The following DSG1 variants were observed in gnomAD, a reference collection of about 807,000 sequenced individuals.
DSG1 encodes the protein desmoglein 1.
A neutral mutation model predicts 97.5 loss-of-function variants in DSG1; 39 were observed. That is an observed-to-expected ratio of 0.40 (90% CI 0.31 to 0.52). The LOEUF (loss-of-function observed/expected upper bound fraction) is 0.52, where lower values mean the gene tolerates loss of function less well. DSG1 is among the 20% of genes least tolerant of loss of function. The pLI is 0.53. For synonymous variants in DSG1, 475 were observed against 443.4 expected (o/e 1.07, Z -0.90); for missense variants, 1,311 against 1,295.4 (o/e 1.01, Z -0.18).
chr18:31,322,091 G>A (rs2071657392), intron 1 of DSG1, among the ~76,000 whole-genome samples: 1 of 152,210 alleles, frequency 6.6e-6, no homozygotes, highest in African/African-American at 2.4e-5. Flanking sequence ...ATTGGTCTAT[G>A]AGAATAGGCC....
intron 9 of DSG1, 132 bp from the exon 10 acceptor site, chr18:31,338,183 A>AT (rs2071766728): frequency 1.0e-6 from 1 of 978,116 alleles, no homozygotes; most frequent in African/African-American, 1.7e-5. Context: ...CTGAAAAAAA[A>AT]TAAAGTCTCT....
intron 14 of DSG1, among the ~76,000 whole-genome samples, chr18:31,346,434 G>A (rs1178264098): frequency 6.6e-6 from 1 of 152,110 alleles, no homozygotes; most frequent in Non-Finnish European, 1.5e-5. Context: ...TTTGTTCATG[G>A]CATGCAATCC....
chr18:31,321,242 C>A lies in DSG1; in HGVS notation c.48+2894C>A, dbSNP rs1414423160. Among the ~76,000 whole-genome samples, 7 of 152,032 alleles carry A rather than the reference C, an allele frequency of 4.6e-5. No individual in the cohort carries two copies. The East Asian group carries it at 1.4e-3, about 29-fold the overall frequency. On this transcript the variant is annotated intron_variant, in intron 1 of 14. Transcript: ENST00000257192. The stretch of plus-strand genomic sequence containing the variant: ...AGGCTAAAATACACAGAAAATAATA[C>A]ACATTTCATTACATAGTTCCTAAAC...
intron 9 of DSG1, 34 bp downstream of exon 9, chr18:31,336,647 A>G: frequency 1.2e-6 from 2 of 1,609,980 alleles, no homozygotes; most frequent in Non-Finnish European, 1.7e-6. Flanking sequence ...TTTTCCTTAC[A>G]TATTGAACTT....
At chr18:31,340,235 C>T (rs756218758) in intron 11 of DSG1, among the ~76,000 whole-genome samples, 3 of 151,818 alleles carry the variant, frequency 2.0e-5, no homozygotes, top group Non-Finnish European at 4.4e-5. Context: ...AATTTATTTG[C>T]AGTAAGTCTC....
chr18:31,353,617 G>T (rs2071922090), intron 14 of DSG1, among the ~76,000 whole-genome samples: 1 of 152,170 alleles, frequency 6.6e-6, no homozygotes, highest in African/African-American at 2.4e-5. Context: ...CTAGCAATCA[G>T]CGAGACTCCG....
intron 11 of DSG1, among the ~76,000 whole-genome samples, chr18:31,340,464 C>T (rs1334577998): frequency 1.3e-5 from 2 of 150,908 alleles, no homozygotes; most frequent in African/African-American, 2.4e-5. Context: ...AAAAATGATC[C>T]GGGCATGGTG....
At chr18:31,321,511 G>A (rs1469386263) in intron 1 of DSG1, among the ~76,000 whole-genome samples, 1 of 152,130 alleles carries the variant, frequency 6.6e-6, no homozygotes, top group Non-Finnish European at 1.5e-5. Flanking sequence ...GCATTCAAGT[G>A]TCATCATTAA....
At chr18:31,342,447 C>T (rs543392818) in intron 11 of DSG1, among the ~76,000 whole-genome samples, 1 of 151,950 alleles carries the variant, frequency 6.6e-6, no homozygotes, top group African/African-American at 2.4e-5. Context: ...TCCTTCTTCC[C>T]TAATTTACTT....
intron 6 of DSG1, among the ~76,000 whole-genome samples, 200 bp from the exon 7 acceptor site, chr18:31,333,389 G>T (rs1271124346): frequency 6.6e-6 from 1 of 152,076 alleles, no homozygotes; most frequent in East Asian, 1.9e-4. Context: ...TTTAAAACGT[G>T]TTGCATCTTT....
intron 9 of DSG1, among the ~76,000 whole-genome samples, 148 bp from the exon 10 acceptor site, chr18:31,338,154 CCATATTGCTAAGA>C: frequency 6.6e-6 from 1 of 151,656 alleles, no homozygotes; most frequent in African/African-American, 2.4e-5. Context: ...CTGAGTGGCT[CCATATTGCTAAGA>C]CTGCCCTGAA....
At position 31,355,292 on chromosome 18, in the gene DSG1, T is replaced by G. The variant is rs1434125063; in HGVS notation, c.3096T>G (p.Pro1032=). 2 of 1,614,104 alleles carry G rather than the reference T, an allele frequency of 1.2e-6. No homozygotes were observed. Among genetic ancestry groups the G allele is most frequent in the Non-Finnish European group, 1.7e-6 (2 of 1,179,990 alleles). ...ACCAAACCATTGGGTCCGCCTCCCC[T>G]AGCACAGCTCGAAGTCGAATCACAA... is the stretch of plus-strand genomic sequence containing the variant. The part of the protein sequence containing the change: ...HFNQTIGSAS[P]STARSRITKY... The change falls in exon 15 of 15, where the codon CCT becomes CCG. Residue 1032 remains proline (P), a synonymous_variant. Transcript: ENST00000257192.
At chr18:31,342,003 G>A (rs1297813927) in intron 11 of DSG1, among the ~76,000 whole-genome samples, 3 of 151,300 alleles carry the variant, frequency 2.0e-5, no homozygotes, top group African/African-American at 7.3e-5. Flanking sequence ...GTGCAATCTC[G>A]TCTCACTGTA....
intron 14 of DSG1, among the ~76,000 whole-genome samples, chr18:31,353,652 G>A (rs557464802): frequency 3.2e-4 from 48 of 152,180 alleles, no homozygotes; most frequent in Non-Finnish European, 6.3e-4. Flanking sequence ...TCCGAGCCAG[G>A]TGCAGGATAT....
At chr18:31,340,343 A>G (rs1355898829) in intron 11 of DSG1, among the ~76,000 whole-genome samples, 1 of 151,808 alleles carries the variant, frequency 6.6e-6, no homozygotes, top group African/African-American at 2.4e-5. Context: ...GTGGTGGCTC[A>G]TGCCTGTAAT....
intron 14 of DSG1, chr18:31,353,944 G>A (rs558267747): frequency 3.1e-4 from 90 of 289,206 alleles, no homozygotes; most frequent in African/African-American, 1.8e-3. Flanking sequence ...CGTCGCTCAC[G>A]CTGGGAGCTG....
At chr18:31,318,467 T>G (rs2071633830) in intron 1 of DSG1, 119 bp downstream of exon 1, 1 of 832,382 alleles carries the variant, frequency 1.2e-6, no homozygotes, top group Non-Finnish European at 2.1e-6. Flanking sequence ...TGTATATTAA[T>G]GACAAGATGA....
intron 8 of DSG1, among the ~76,000 whole-genome samples, chr18:31,334,832 G>A (rs1489099261): frequency 2.6e-5 from 4 of 151,974 alleles, no homozygotes; most frequent in African/African-American, 4.8e-5. Context: ...ACATTTACCT[G>A]CAGTAAAATT....
rs560158898 is a variant in DSG1 at position 31,347,350 on chromosome 18, C to T, written c.2100+1152C>T. Among the ~76,000 whole-genome samples the T allele has an allele frequency of 3.3e-5, 5 of 152,176 alleles. No individual in the cohort carries two copies. The East Asian group carries it at 7.7e-4, about 23-fold the overall frequency. On this transcript the variant is annotated intron_variant, in intron 14 of 14. Coordinates refer to ENST00000257192, the MANE Select transcript of DSG1 (RefSeq NM_001942.4). ...TATCAGAGACCCCTTCCTTGATTAC[C>T]CTATCTAAAAGAACAGCACCCATCA... is the stretch of plus-strand genomic sequence containing the variant.
Sources: gnomAD v4.1 joint callset for allele counts (sites outside exome capture counted in the v4.1 genomes callset) on GRCh38, gnomAD v4.1.1 for gene constraint, MANE v1.5 for transcripts, NCBI Gene and HGNC (gene_info 2026-07-23, HGNC 2026-07-21) for gene names.